PZP: variants seen among roughly 807,000 people sequenced by gnomAD.
The protein encoded by PZP is pregnancy zone protein.
Under a neutral mutation model 179.8 loss-of-function variants are expected in PZP, and 150 were observed. The ratio of observed to expected loss-of-function variants is 0.83; its 90% CI spans 0.73 to 0.96. The LOEUF is 0.96. PZP is among the 40% of genes least tolerant of loss of function. The probability of loss-of-function intolerance (pLI) is 0.00; values close to 1 mark genes in which losing one functional copy is unlikely to be tolerated. For missense variants in PZP, 1,689 were observed against 1,764.0 expected, an observed-to-expected ratio of 0.96 and a Z score of 0.76; for synonymous variants, 624 against 652.3, an observed-to-expected ratio of 0.96 and a Z score of 0.66.
chr12:9,152,179 A>T, intron 32 of PZP, 41 bp downstream of exon 32: 1 of 1,373,970 alleles, frequency 7.3e-7, no homozygotes, highest in Non-Finnish European at 1.0e-6. Context: ...GATACAGAAC[A>T]TACTTTTGTA....
At chr12:9,195,291 A>G (rs764269300) in intron 10 of PZP, among the ~76,000 whole-genome samples, 3 of 152,310 alleles carry the variant, frequency 2.0e-5, no homozygotes, top group Non-Finnish European at 4.4e-5. Context: ...TAATTATTCC[A>G]TAAATGTTAG....
rs766437573 is a variant in PZP, at chr12:9,173,776, A to G, written c.1840-4185T>C. 7.9e-5 allele frequency among the ~76,000 whole-genome samples: 12 copies of G among 152,358 alleles called. No individual in the cohort carries two copies. The East Asian group carries it at 2.1e-3, about 27-fold the overall frequency. ...ACATACACCCTCCCAAGACTGAACC[A>G]GGAAGAAACTGAATATTTGAATAGA... On this transcript the variant is annotated intron_variant, in intron 15 of 35. Transcript: ENST00000261336.
rs764530896 is a variant in PZP, at chr12:9,208,318, A to G, written c.24T>C (p.His8=). MRKDRLL[H]LCLVLLLILL... is the part of the protein sequence containing the mutation. ...GGATAAGAAGTAGCACAAGACATAA[A>G]TGAAGAAGTCTGTCTTTCCGCATTG... The change falls in exon 1 of 36, where the codon CAT becomes CAC. Residue 8 remains histidine (H), a synonymous_variant. Transcript: ENST00000261336. 1.2e-6 allele frequency: 2 copies of G among 1,613,584 alleles called. No homozygotes were observed. The highest frequency in any genetic ancestry group is 2.2e-5 in the South Asian group (2 of 91,058).
intron 15 of PZP, among the ~76,000 whole-genome samples, chr12:9,176,155 C>T (rs1374914248): frequency 2.6e-5 from 4 of 152,158 alleles, no homozygotes; most frequent in Non-Finnish European, 4.4e-5. Flanking sequence ...ATGTCCTTTG[C>T]AGAGACATGG....
intron 7 of PZP, 128 bp downstream of exon 7, chr12:9,200,232 TTAAA>T (rs1321449567): frequency 4.7e-5 from 25 of 531,536 alleles, no homozygotes; most frequent in Non-Finnish European, 7.8e-5. Context: ...TAGTAAGTCG[TTAAA>T]TAAAGAGAAG....
chr12:9,203,615 A>G (rs1267393415), intron 2 of PZP, among the ~76,000 whole-genome samples, 153 bp downstream of exon 2: 1 of 152,140 alleles, frequency 6.6e-6, no homozygotes, highest in Admixed American at 6.5e-5. Context: ...TGCTGGGATT[A>G]CAGGCGTGAG....
rs1188740685 is a variant in PZP, at chr12:9,203,861, A to G, written c.174T>C (p.Thr58=). 1.9e-6 allele frequency: 3 copies of G among 1,614,178 alleles called. No individual in the cohort carries two copies. In the African/African-American group the frequency reaches 4.0e-5, roughly 22 times the overall value. Residue 58 remains threonine (T), a synonymous_variant, in exon 2 of 36, where the codon ACT becomes ACC. Coordinates refer to ENST00000261336, the MANE Select transcript of PZP (RefSeq NM_002864.3). ...TGCCAGACTCCAAGGAAGCACTTAC[A>G]GTCACTGTCTCATTCAGGTGGCTCA... The part of the protein sequence containing the change: ...VLLSHLNETV[T]VSASLESGRE...
At chr12:9,169,133 T>A (rs147608215) in intron 16 of PZP, among the ~76,000 whole-genome samples, 159 bp from the exon 17 acceptor site, 273 of 152,058 alleles carry the variant, frequency 1.8e-3, no homozygotes, top group African/African-American at 6.3e-3. Flanking sequence ...ACTAAACTTA[T>A]GGATTATTAA....
chr12:9,181,923 A>G, intron 14 of PZP, 52 bp downstream of exon 14: 1 of 1,576,128 alleles, frequency 6.3e-7, no homozygotes, highest in Non-Finnish European at 8.7e-7. Flanking sequence ...AATAGATGGC[A>G]CCTACAGTAT....
At chr12:9,197,463 A>AAT (rs1348183330) in intron 7 of PZP, among the ~76,000 whole-genome samples, 1 of 131,352 alleles carries the variant, frequency 7.6e-6, no homozygotes, top group African/African-American at 3.0e-5. Flanking sequence ...AATATATAAT[A>AAT]ATATAATATA....
chr12:9,192,410 A>G (rs1943509905), intron 12 of PZP, 102 bp downstream of exon 12: 10 of 1,289,908 alleles, frequency 7.8e-6, no homozygotes, highest in Non-Finnish European at 1.1e-5. Context: ...ACAAGAACAC[A>G]AGGTGGCTGT....
At chr12:9,204,905 C>A (rs1281327494) in intron 1 of PZP, among the ~76,000 whole-genome samples, 1 of 151,830 alleles carries the variant, frequency 6.6e-6, no homozygotes, top group Admixed American at 6.6e-5. Context: ...GAACAGCCTG[C>A]ACAACATTGT....
chr12:9,168,781 A>T (rs1941770614), intron 17 of PZP, 88 bp downstream of exon 17: 1 of 978,124 alleles, frequency 1.0e-6, no homozygotes, highest in South Asian at 1.4e-5. Context: ...ATAAAGTGGA[A>T]ATAGGGCTAC....
At chr12:9,156,519 T>C (rs1054259985) in intron 28 of PZP, 2 of 152,748 alleles carry the variant, frequency 1.3e-5, no homozygotes, top group Non-Finnish European at 2.9e-5. Context: ...CAGGACGGCA[T>C]TGGGTGGGAA....
At chr12:9,203,041 A>G (rs982100960) in intron 2 of PZP, among the ~76,000 whole-genome samples, 2 of 152,200 alleles carry the variant, frequency 1.3e-5, no homozygotes, top group African/African-American at 4.8e-5. Flanking sequence ...AAGAGGTACT[A>G]GGTGTTTGCT....
chr12:9,168,145 C>T (rs770490811), intron 17 of PZP, among the ~76,000 whole-genome samples: 5 of 152,210 alleles, frequency 3.3e-5, no homozygotes, highest in East Asian at 3.9e-4. Context: ...TCTTATTGGG[C>T]GTTTTGCAAG....
chr12:9,196,550 A>G (rs531895067), intron 9 of PZP, 21 bp downstream of exon 9: 8 of 1,580,514 alleles, frequency 5.1e-6, no homozygotes, highest in East Asian at 2.2e-5. Context: ...TTTATTTCCC[A>G]TATTCGTTCA....
the PZP span, among the ~76,000 whole-genome samples, chr12:9,136,607 A>T: frequency 3.9e-5 from 6 of 152,176 alleles, no homozygotes; most frequent in African/African-American, 1.4e-4. Flanking sequence ...TATATACACC[A>T]TGTTTCCATA....
downstream of PZP, among the ~76,000 whole-genome samples, chr12:9,145,137 G>A (rs139302968): frequency 1.9e-3 from 292 of 152,202 alleles, 1 homozygote; most frequent in African/African-American, 6.8e-3. Context: ...CACTATATGT[G>A]TTTTCATTGG....
Sources: gnomAD v4.1 joint callset for allele counts (sites outside exome capture counted in the v4.1 genomes callset) on GRCh38, gnomAD v4.1.1 for gene constraint, MANE v1.5 for transcripts, NCBI Gene and HGNC (gene_info 2026-07-23, HGNC 2026-07-21) for gene names.